Variants in SAMD9L observed in about 807,000 individuals in gnomAD.
The protein encoded by SAMD9L is sterile alpha motif domain-containing protein 9-like.
In SAMD9L, 68 loss-of-function variants were observed where a neutral mutation model predicts 90.7. That is an observed-to-expected ratio of 0.75 (90% CI 0.62 to 0.92). The LOEUF is 0.92. Ranked by LOEUF, SAMD9L falls within the 40% of genes least tolerant of loss-of-function variation. SAMD9L has a pLI of 0.00. For synonymous variants in SAMD9L, 640 were observed against 630.1 expected (o/e 1.02, Z -0.23); for missense variants, 1,604 against 1,824.3 (o/e 0.88, Z 2.20).
At chr7:93,144,549 T>C (rs933681972) in intron 4 of SAMD9L, among the ~76,000 whole-genome samples, 183 bp downstream of exon 4, 1 of 152,222 alleles carries the variant, frequency 6.6e-6, no homozygotes, top group Non-Finnish European at 1.5e-5. Flanking sequence ...GTACAGGTTT[T>C]GGTATCTGCG....
At chr7:93,141,010 T>C (rs1358504082) in intron 4 of SAMD9L, among the ~76,000 whole-genome samples, 1 of 152,230 alleles carries the variant, frequency 6.6e-6, no homozygotes, top group Non-Finnish European at 1.5e-5. Context: ...TTCCACTCAC[T>C]TTAGAAGGCA....
chr7:93,143,391 CCA>C, intron 4 of SAMD9L, among the ~76,000 whole-genome samples: 1 of 152,244 alleles, frequency 6.6e-6, no homozygotes, highest in Non-Finnish European at 1.5e-5. Context: ...ATAACTGGTC[CCA>C]CCTTAATGCT....
chr7:93,143,535 C>G (rs1425765458), intron 4 of SAMD9L, among the ~76,000 whole-genome samples: 2 of 152,186 alleles, frequency 1.3e-5, no homozygotes, highest in Non-Finnish European at 2.9e-5. Context: ...CTGTTTAAAC[C>G]AGCAGAATTG....
chr7:93,135,064 A>G lies in SAMD9L; in HGVS notation c.908T>C (p.Phe303Ser), dbSNP rs1021622885. The change falls in exon 5 of 5, where the codon TTT becomes TCT. Residue 303 changes from phenylalanine (F) to serine (S), a missense_variant. This residue lies in a region of SAMD9L where 374 missense variants were observed against 363.6 expected (regional missense o/e 1.03). Coordinates refer to ENST00000318238, the MANE Select transcript of SAMD9L (RefSeq NM_152703.5). ...LLQNNTPSDR[F>S]VIEVDTIPKH... is the part of the protein sequence containing the mutation. ...TGGAATAGTATCAACTTCAATGACA[A>G]ATCTGTCAGATGGTGTATTGTTCTG... 2.2e-5 allele frequency: 35 copies of G among 1,613,172 alleles called. No homozygotes were observed. The highest frequency in any genetic ancestry group is 2.8e-5 in the Non-Finnish European group (33 of 1,179,716).
Position 93,134,403 on chromosome 7 carries a change from T to C in SAMD9L, c.1569A>G (p.Ser523=). The part of the protein sequence containing the change: ...EPHLWQRERA[S]EVRKLILFLT... ...GAAATAAAATTAGTTTCCTGACTTC[T>C]GAAGCTCTTTCTCTCTGCCATAAAT... The change falls in exon 5 of 5, where the codon TCA becomes TCG. Residue 523 remains serine (S), a synonymous_variant. Transcript: ENST00000318238. 1 of 1,613,506 alleles carries C rather than the reference T, an allele frequency of 6.2e-7. No individual in the cohort carries two copies. Among genetic ancestry groups the C allele is most frequent in the Non-Finnish European group, 8.5e-7 (1 of 1,179,780 alleles).
Position 93,131,793 on chromosome 7 carries a change from T to G in SAMD9L, c.4179A>C (p.Leu1393=). The change falls in exon 5 of 5, where the codon CTA becomes CTC. Residue 1393 remains leucine (L), a synonymous_variant. Transcript: ENST00000318238. ...GTTGAATTAACTTGGAGTTGGGCTTTAGACAACTCAGAATAATGTTGGCCA... is the reference window on the plus strand; with the variant it reads ...GTTGAATTAACTTGGAGTTGGGCTTGAGACAACTCAGAATAATGTTGGCCA... The part of the protein sequence containing the change: ...SILANIILSC[L]KPNSKLIQPL... The G allele has an allele frequency of 6.2e-7, 1 of 1,613,576 alleles. No homozygotes were observed. Among genetic ancestry groups the G allele is most frequent in the South Asian group, 1.1e-5 (1 of 91,034 alleles).
At position 93,133,634 on chromosome 7, in the gene SAMD9L, G is replaced by T. The variant is rs1792253218; in HGVS notation, c.2338C>A (p.Gln780Lys). Reference protein sequence around the residue: ...KTTDFAEIAEQVINLVTYRAK... With the variant: ...KTTDFAEIAEKVINLVTYRAK... The stretch of plus-strand genomic sequence containing the variant: ...CTATAGGTGACCAGATTGATCACTT[G>T]CTCTGCAATTTCTGCAAAATCAGTT... Residue 780 changes from glutamine to lysine, a missense_variant, in exon 5 of 5, where the codon CAA (glutamine) becomes AAA (lysine). Around this residue, in one of 7 missense-constraint regions of SAMD9L, gnomAD observed 606 missense variants for 717.6 expected, o/e 0.84. Coordinates refer to ENST00000318238, the MANE Select transcript of SAMD9L (RefSeq NM_152703.5). The T allele has an allele frequency of 6.2e-7, 1 of 1,613,572 alleles. No homozygotes were observed. Among genetic ancestry groups the T allele is most frequent in the Admixed American group, 1.7e-5 (1 of 59,964 alleles).
Position 93,134,530 on chromosome 7 carries a change from C to T in SAMD9L, c.1442G>A (p.Trp481Ter). The T allele has an allele frequency of 1.2e-6, 2 of 1,613,872 alleles. No individual in the cohort carries two copies. The highest frequency in any genetic ancestry group is 1.7e-6 in the Non-Finnish European group (2 of 1,179,876). ...NQYEDKTTNM[W>*]EKISTLNLYQ... ...AAGATTAAGAGTAGAAATCTTCTCC[C>T]ACATGTTAGTTGTCTTGTCTTCATA... is the stretch of plus-strand genomic sequence containing the variant. The change falls in exon 5 of 5, where the codon TGG becomes TAG. Residue 481 changes from tryptophan to a stop codon, truncating the protein, a stop_gained. Coordinates refer to ENST00000318238, the MANE Select transcript of SAMD9L (RefSeq NM_152703.5). LOFTEE classifies it high-confidence loss of function.
chr7:93,136,364 C>T (rs969568801), intron 4 of SAMD9L, among the ~76,000 whole-genome samples: 1 of 152,114 alleles, frequency 6.6e-6, no homozygotes, highest in Admixed American at 6.6e-5. Context: ...TGCAAATAAA[C>T]TTTAAAATAA....
rs1367864133 is a variant in SAMD9L, at chr7:93,134,124, C to G, written c.1848G>C (p.Leu616=). The change falls in exon 5 of 5, where the codon CTG becomes CTC. Residue 616 remains leucine, a synonymous_variant. Transcript: ENST00000318238. The part of the protein sequence containing the change: ...NHSISTLNIE[L]VNSTILKLKS... Reference sequence around the variant, plus strand: ...TTAGTTTAAGGATAGTGCTGTTTACCAGTTCTATATTTAAAGTGGAAATAC... The same window carrying G: ...TTAGTTTAAGGATAGTGCTGTTTACGAGTTCTATATTTAAAGTGGAAATAC... 2 of 1,613,728 alleles carry G rather than the reference C, an allele frequency of 1.2e-6. No homozygotes were observed. The highest frequency in any genetic ancestry group is 1.7e-6 in the Non-Finnish European group (2 of 1,179,868).
At position 93,135,753 on chromosome 7, in the gene SAMD9L, G is replaced by A. The variant is rs1232695997; in HGVS notation, c.219C>T (p.Asn73=). The change falls in exon 5 of 5, where the codon AAC becomes AAT. Residue 73 remains asparagine, a synonymous_variant. Coordinates refer to ENST00000318238, the MANE Select transcript of SAMD9L (RefSeq NM_152703.5). The part of the protein sequence containing the change: ...GPALLIKRSY[N]KLNSKSPESD... ...TTTCAGGGGACTTACTATTCAATTT[G>A]TTGTATGAACGTTTTATCAAAAGTG... 6.2e-7 allele frequency: 1 copy of A among 1,613,826 alleles called. No homozygotes were observed. Among genetic ancestry groups the A allele is most frequent in the African/African-American group, 1.3e-5 (1 of 74,864 alleles).
intron 2 of SAMD9L, 141 bp from the exon 3 acceptor site, chr7:93,146,181 C>T (rs1225965311): frequency 1.3e-5 from 2 of 152,236 alleles, no homozygotes. Context: ...CTGGCCCAGT[C>T]CCCTGACCTC....
At chr7:93,144,615 G>A (rs1792822111) in intron 4 of SAMD9L, 117 bp downstream of exon 4, 1 of 152,182 alleles carries the variant, frequency 6.6e-6, no homozygotes, top group South Asian at 2.1e-4. Context: ...ACTGCCTAAG[G>A]ACTATTATTT....
chr7:93,142,212 G>T (rs1254465565), intron 4 of SAMD9L, among the ~76,000 whole-genome samples: 1 of 152,078 alleles, frequency 6.6e-6, no homozygotes, highest in Non-Finnish European at 1.5e-5. Context: ...TTTCACTTTA[G>T]ATTTATGTAC....
At position 93,135,606 on chromosome 7, in the gene SAMD9L, A is replaced by T; in HGVS notation, c.366T>A (p.Asp122Glu). ...ENSMSSNIDY[D>E]PREIRDIKQE... ...GTTTGATATCTCTGATCTCTCTGGG[A>T]TCATAATCAATATTAGATGACATTG... is the stretch of plus-strand genomic sequence containing the variant. The change falls in exon 5 of 5, where the codon GAT becomes GAA. Residue 122 changes from aspartate to glutamate, a missense_variant. By Grantham distance (45) the Asp-to-Glu change is conservative. Coordinates refer to ENST00000318238, the MANE Select transcript of SAMD9L (RefSeq NM_152703.5). 1 of 1,613,958 alleles carries T rather than the reference A, an allele frequency of 6.2e-7. No homozygotes were observed. Among genetic ancestry groups the T allele is most frequent in the Non-Finnish European group, 8.5e-7 (1 of 1,179,938 alleles).
At chr7:93,138,165 A>G (rs902086905) in intron 4 of SAMD9L, among the ~76,000 whole-genome samples, 2 of 152,146 alleles carry the variant, frequency 1.3e-5, no homozygotes, top group Admixed American at 6.5e-5. Flanking sequence ...CGTATTTTAG[A>G]TGATCAATTC....
Position 93,135,625 on chromosome 7 carries a change from G to T in SAMD9L, c.347C>A (p.Ser116Ter). Residue 116 changes from serine (S) to a stop codon, truncating the protein, a stop_gained, in exon 5 of 5, where the codon TCA (serine) becomes TAA (stop). Transcript: ENST00000318238. LOFTEE classifies it low-confidence loss of function (END_TRUNC). ...HTKKEEENSM[S>*]SNIDYDPREI... ...TCTGGGATCATAATCAATATTAGAT[G>T]ACATTGAATTTTCTTCTTCCTTTTT... 1 of 1,613,684 alleles carries T rather than the reference G, an allele frequency of 6.2e-7. No homozygotes were observed. The highest frequency in any genetic ancestry group is 1.1e-5 in the South Asian group (1 of 91,062).
In SAMD9L at chr7:93,131,399, G is replaced by A. The variant is rs753698384; in HGVS notation, c.4573C>T (p.Leu1525=). 1 of 1,613,706 alleles carries A rather than the reference G, an allele frequency of 6.2e-7. No homozygotes were observed. The highest frequency in any genetic ancestry group is 1.1e-5 in the South Asian group (1 of 91,046). The change falls in exon 5 of 5, where the codon CTA becomes TTA. Residue 1525 remains leucine (L), a synonymous_variant. Transcript: ENST00000318238. The stretch of plus-strand genomic sequence containing the variant: ...AGCTTGCCTTCAGCCTGACCAGTTA[G>A]ACGACGCAGGAGGTCTTTGACTTCA... The part of the protein sequence containing the change: ...KNEVKDLLRR[L]TGQAEGKLIS...
Position 93,134,329 on chromosome 7 carries a change from A to G in SAMD9L, c.1643T>C (p.Leu548Pro). ...TGGGCTTTCCACTGAAGAGAGTAAT[A>G]GAAACACTACCAAAAATTTTCCTCT... The part of the protein sequence containing the change: ...MTRGKFLVVF[L>P]LLSSVESPGD... The change falls in exon 5 of 5, where the codon CTA becomes CCA. Residue 548 changes from leucine (L) to proline (P), a missense_variant. This residue lies in a region of SAMD9L where 606 missense variants were observed against 717.6 expected (regional missense o/e 0.84). Transcript: ENST00000318238. 1 of 1,611,330 alleles carries G rather than the reference A, an allele frequency of 6.2e-7. No homozygotes were observed.
Sources: gnomAD v4.1 joint callset for allele counts (sites outside exome capture counted in the v4.1 genomes callset) on GRCh38, gnomAD v4.1.1 for gene constraint, gnomAD v4.1.1 regional missense constraint, MANE v1.5 for transcripts, NCBI Gene and HGNC (gene_info 2026-07-23, HGNC 2026-07-21) for gene names.